SLC13A3: variants seen among roughly 807,000 people sequenced by gnomAD.
The protein encoded by SLC13A3 is Na(+)/dicarboxylate cotransporter 3.
A neutral mutation model predicts 59.0 loss-of-function variants in SLC13A3; 40 were observed. The ratio of observed to expected loss-of-function variants is 0.68; its 90% confidence interval spans 0.53 to 0.88. SLC13A3 has a LOEUF of 0.88. Ranked by LOEUF, SLC13A3 falls within the 40% of genes least tolerant of loss-of-function variation. The pLI, the probability that SLC13A3 is intolerant of heterozygous loss-of-function variation, is 0.00. For missense variants in SLC13A3, 699 were observed against 783.2 expected, an observed-to-expected ratio of 0.89 and a Z score of 1.28; for synonymous variants, 317 against 330.3, an observed-to-expected ratio of 0.96 and a Z score of 0.44.
intron 6 of SLC13A3, among the ~76,000 whole-genome samples, chr20:46,589,497 G>C (rs1217540445): frequency 6.6e-6 from 1 of 152,080 alleles, no homozygotes; most frequent in African/African-American, 2.4e-5. Flanking sequence ...TCCATGAGTG[G>C]GTCAAACAGG....
chr20:46,563,672 G>T, intron 11 of SLC13A3, 121 bp from the exon 12 acceptor site: 1 of 1,074,156 alleles, frequency 9.3e-7, no homozygotes, highest in Non-Finnish European at 1.3e-6. Flanking sequence ...GAGACAGAGA[G>T]ACAAAGACAT....
At chr20:46,565,494 T>C (rs923610180) in intron 11 of SLC13A3, among the ~76,000 whole-genome samples, 7 of 152,162 alleles carry the variant, frequency 4.6e-5, no homozygotes, top group Admixed American at 6.5e-5. Flanking sequence ...TGGCTACTTT[T>C]TGTATTTTTT....
chr20:46,583,695 GTGACCA>G (rs776533271), intron 8 of SLC13A3, 26 bp from the exon 9 acceptor site: 1 of 1,613,578 alleles, frequency 6.2e-7, no homozygotes, highest in Non-Finnish European at 8.5e-7. Context: ...CCCAAATCAC[GTGACCA>G]TGGGCATCTC....
chr20:46,672,706 G>A (rs551876265), upstream of SLC13A3, among the ~76,000 whole-genome samples: 1 of 152,262 alleles, frequency 6.6e-6, no homozygotes, highest in South Asian at 2.1e-4. Flanking sequence ...AGGCCACACA[G>A]CTTCTGCCTG....
intron 1 of SLC13A3, chr20:46,682,104 G>A (rs1300345996): frequency 6.6e-6 from 1 of 152,228 alleles, no homozygotes; most frequent in Non-Finnish European, 1.5e-5. Context: ...TGACAGCTGG[G>A]TTAGGACTAG....
At chr20:46,603,284 T>C (rs1267136486) in intron 3 of SLC13A3, among the ~76,000 whole-genome samples, 1 of 152,196 alleles carries the variant, frequency 6.6e-6, no homozygotes, top group African/African-American at 2.4e-5. Context: ...ATGAGGTCTC[T>C]GTCATAACAA....
In SLC13A3 at chr20:46,567,094, A is replaced by T. The variant is rs147184284; in HGVS notation, c.1333-704T>A. 6.6e-3 allele frequency among the ~76,000 whole-genome samples: 1,008 copies of T among 152,124 alleles called. 7 individuals are homozygous for T. The highest frequency in any genetic ancestry group is 0.01 in the Non-Finnish European group (680 of 67,992). The stretch of plus-strand genomic sequence containing the variant: ...GTAATCCTAGCTACTCGGGAGACTA[A>T]GGCATGAGAATCGCTTGAACCTGGG... On this transcript the variant is annotated intron_variant, in intron 10 of 12. Transcript: ENST00000279027.
intron 3 of SLC13A3, among the ~76,000 whole-genome samples, chr20:46,608,165 A>G (rs1282975844): frequency 3.3e-5 from 5 of 152,150 alleles, no homozygotes; most frequent in Admixed American, 2.6e-4. Context: ...TGCAGCCCCA[A>G]TCCAGCCCAC....
intron 1 of SLC13A3, among the ~76,000 whole-genome samples, chr20:46,632,661 T>C (rs2062751712): frequency 6.6e-6 from 1 of 152,118 alleles, no homozygotes; most frequent in African/African-American, 2.4e-5. Context: ...CTTTGTTCCT[T>C]GGTTTTCTGT....
chr20:46,579,614 C>T (rs2062114424), intron 9 of SLC13A3, among the ~76,000 whole-genome samples: 1 of 152,226 alleles, frequency 6.6e-6, no homozygotes, highest in South Asian at 2.1e-4. Flanking sequence ...CCTCCCCACC[C>T]ACTGGGAAAT....
chr20:46,582,936 A>AT (rs995687382), intron 9 of SLC13A3: 32 of 985,204 alleles, frequency 3.2e-5, no homozygotes, highest in East Asian at 2.3e-4. Context: ...GTACTCAGTG[A>AT]TTTTTTAAAA....
intron 8 of SLC13A3, 52 bp from the exon 9 acceptor site, chr20:46,583,721 A>T: frequency 6.2e-7 from 1 of 1,607,282 alleles, no homozygotes; most frequent in Non-Finnish European, 8.5e-7. Flanking sequence ...CAGCGGGCCG[A>T]GGTTTGGCAG....
chr20:46,640,371 C>A (rs192921417), intron 1 of SLC13A3, among the ~76,000 whole-genome samples: 317 of 152,208 alleles, frequency 2.1e-3, no homozygotes, highest in Non-Finnish European at 1.8e-3. Flanking sequence ...CAGGGGCTTG[C>A]TGGCCTCCCC....
chr20:46,583,569 T>C lies in SLC13A3; in HGVS notation c.1219+3A>G, dbSNP rs2062160663. On this transcript the variant is annotated splice_donor_region_variant and intron_variant, in intron 9 of 12. Transcript: ENST00000279027. ...ACCGAGACCCCAGCCTTGACCACCT[T>C]ACCTTTGAAGTCAAACCACCACTTG... 6.2e-7 allele frequency: 1 copy of C among 1,613,246 alleles called. No individual in the cohort carries two copies. Among genetic ancestry groups the C allele is most frequent in the South Asian group, 1.1e-5 (1 of 91,044 alleles).
At chr20:46,635,148 C>T (rs771196111) in intron 1 of SLC13A3, among the ~76,000 whole-genome samples, 7 of 152,210 alleles carry the variant, frequency 4.6e-5, no homozygotes, top group East Asian at 1.9e-4. Flanking sequence ...TTCTTGGACA[C>T]TTGCCATGCT....
At chr20:46,613,777 G>C in intron 1 of SLC13A3, 52 bp from the exon 2 acceptor site, 1 of 1,515,628 alleles carries the variant, frequency 6.6e-7, no homozygotes, top group Non-Finnish European at 8.9e-7. Context: ...GGGCAGAAGG[G>C]GAAGGAGGCC....
chr20:46,583,155 G>A (rs2062155200), intron 9 of SLC13A3: 4 of 794,134 alleles, frequency 5.0e-6, no homozygotes, highest in Non-Finnish European at 4.6e-6. Flanking sequence ...AGGCTATTGT[G>A]TAGGTACTTA....
chr20:46,578,796 C>G (rs1239605914), intron 9 of SLC13A3, among the ~76,000 whole-genome samples: 1 of 151,912 alleles, frequency 6.6e-6, no homozygotes, highest in African/African-American at 2.4e-5. Context: ...GGGAAGGTTT[C>G]TCAGGAGGTG....
chr20:46,675,561 C>CTT lies in SLC13A3; in HGVS notation c.-31+8833_-31+8834dup, dbSNP rs199723217. Among the ~76,000 whole-genome samples, 395 of 147,896 alleles carry CTT rather than the reference C, an allele frequency of 2.7e-3. 1 individual carries two copies. Among genetic ancestry groups the CTT allele is most frequent in the African/African-American group, 9.7e-3 (388 of 40,144 alleles). On this transcript the variant is annotated intron_variant, in intron 1 of 6. Coordinates refer to the SLC13A3 transcript ENST00000372121. ...ATGCCCGGCCCCTTTTTTTTTCTTTCTTTCTTTTTTTTTTTTTAGTTTGTT... is the reference window on the plus strand; with the variant it reads ...ATGCCCGGCCCCTTTTTTTTTCTTTCTTTTTCTTTTTTTTTTTTTAGTTTGTT...
Sources: gnomAD v4.1 joint callset for allele counts (sites outside exome capture counted in the v4.1 genomes callset) on GRCh38, gnomAD v4.1.1 for gene constraint, MANE v1.5 for transcripts, NCBI Gene and HGNC (gene_info 2026-07-23, HGNC 2026-07-21) for gene names.